The following MLLT3 variants were observed in gnomAD, a reference collection of about 807,000 sequenced individuals.
The protein encoded by MLLT3 is MLLT3 super elongation complex subunit.
Under a neutral mutation model 53.2 loss-of-function variants are expected in MLLT3, and 4 were observed. The ratio of observed to expected loss-of-function variants is 0.08; its 90% confidence interval spans 0.04 to 0.17. The LOEUF (loss-of-function observed/expected upper bound fraction) is 0.17, where lower values mean the gene tolerates loss of function less well. Ranked by LOEUF, MLLT3 falls within the 10% of genes least tolerant of loss-of-function variation. The probability of loss-of-function intolerance (pLI) is 1.00; values close to 1 mark genes in which losing one functional copy is unlikely to be tolerated. For synonymous variants in MLLT3, 283 were observed against 230.6 expected (o/e 1.23, Z -2.06); for missense variants, 569 against 684.0 (o/e 0.83, Z 1.87).
At chr9:20,412,978 TA>T (rs1822767037) in intron 5 of MLLT3, among the ~76,000 whole-genome samples, 1 of 152,142 alleles carries the variant, frequency 6.6e-6, no homozygotes, top group East Asian at 1.9e-4. Flanking sequence ...AAACACCTTT[TA>T]GGGGAATTAG....
At chr9:20,619,115 T>C (rs186599268) in intron 2 of MLLT3, among the ~76,000 whole-genome samples, 61 of 152,322 alleles carry the variant, frequency 4.0e-4, no homozygotes, top group South Asian at 2.3e-3. Flanking sequence ...TCATCAGCGA[T>C]AGAAATTTGA....
At chr9:20,571,255 T>C (rs1403536576) in intron 2 of MLLT3, among the ~76,000 whole-genome samples, 3 of 152,186 alleles carry the variant, frequency 2.0e-5, no homozygotes, top group Non-Finnish European at 2.9e-5. Flanking sequence ...AACTACACAA[T>C]GGGATTGCCT....
intron 2 of MLLT3, among the ~76,000 whole-genome samples, chr9:20,500,702 T>TA (rs1825201214): frequency 6.6e-6 from 1 of 152,220 alleles, no homozygotes; most frequent in Admixed American, 6.5e-5. Context: ...TTTCTCCCAA[T>TA]ACTGTTTTCC....
At chr9:20,468,306 T>G (rs1038698103) in intron 2 of MLLT3, among the ~76,000 whole-genome samples, 1 of 152,176 alleles carries the variant, frequency 6.6e-6, no homozygotes, top group Non-Finnish European at 1.5e-5. Flanking sequence ...TAAATATTCC[T>G]AAATTTGTTT....
Position 20,620,961 on chromosome 9 carries a change from G to A in MLLT3, c.13-127C>T. 1 of 1,111,446 alleles carries A rather than the reference G, an allele frequency of 9.0e-7. No individual in the cohort carries two copies. The highest frequency in any genetic ancestry group is 2.5e-5 in the East Asian group (1 of 39,478). The allele number at this position is 1,111,446 out of a possible 1,614,324, so 68.8% of individuals were successfully genotyped here. The stretch of plus-strand genomic sequence containing the variant: ...ATAAAAGGAAACGGCGGTGCCCTCT[G>A]CATCCACGTTTCACGCGCGTGGGCG... On this transcript the variant is annotated intron_variant, in intron 1 of 10. Coordinates refer to ENST00000380338, the MANE Select transcript of MLLT3 (RefSeq NM_004529.4). This position sits in a 1 kb window ranked among gnomAD's most constrained non-coding sequence, Gnocchi z 6.1.
intron 4 of MLLT3, among the ~76,000 whole-genome samples, chr9:20,438,377 G>A (rs557184404): frequency 6.6e-6 from 1 of 152,248 alleles, no homozygotes; most frequent in African/African-American, 2.4e-5. Context: ...ATGCTCCTTG[G>A]GCTGGGGTGT....
chr9:20,499,051 G>A (rs1262479402), intron 2 of MLLT3, among the ~76,000 whole-genome samples: 1 of 152,118 alleles, frequency 6.6e-6, no homozygotes, highest in East Asian at 1.9e-4. Context: ...GACTCTCCTA[G>A]CTTCTGGAGG....
intron 4 of MLLT3, among the ~76,000 whole-genome samples, chr9:20,424,330 T>A (rs1358307683): frequency 1.3e-5 from 2 of 152,196 alleles, no homozygotes; most frequent in East Asian, 3.8e-4. Context: ...CTTGTGATAC[T>A]GAGAAAAATC....
intron 2 of MLLT3, among the ~76,000 whole-genome samples, chr9:20,495,653 C>A (rs1825064700): frequency 6.6e-6 from 1 of 152,130 alleles, no homozygotes; most frequent in African/African-American, 2.4e-5. Context: ...ATAGGTATAT[C>A]TGTTCACCAT....
rs189171030 is a variant in MLLT3, at chr9:20,499,555, T to C, written c.194-42769A>G. On this transcript the variant is annotated intron_variant, in intron 2 of 10. Transcript: ENST00000380338. Reference sequence around the variant, plus strand: ...GCTCTGACCTCCTTGAAACAGTCCATTTTTGCTGCAATAACTGTTCTCATA... The same window carrying C: ...GCTCTGACCTCCTTGAAACAGTCCACTTTTGCTGCAATAACTGTTCTCATA... Among the ~76,000 whole-genome samples the C allele has an allele frequency of 5.9e-3, 902 of 152,306 alleles. 10 individuals carry two copies. Among genetic ancestry groups the C allele is most frequent in the Middle Eastern group, 0.034 (10 of 294 alleles).
At chr9:20,445,207 A>T (rs955871134) in intron 4 of MLLT3, among the ~76,000 whole-genome samples, 3 of 152,160 alleles carry the variant, frequency 2.0e-5, no homozygotes, top group Admixed American at 2.0e-4. Context: ...TATAAAGTAA[A>T]TCACTCTGTA....
At chr9:20,589,086 T>C (rs1270565481) in intron 2 of MLLT3, among the ~76,000 whole-genome samples, 9 of 150,508 alleles carry the variant, frequency 6.0e-5, no homozygotes. Flanking sequence ...CATTACTGGG[T>C]ATATACCCAA....
intron 2 of MLLT3, among the ~76,000 whole-genome samples, chr9:20,466,634 C>T (rs1352284074): frequency 1.3e-5 from 2 of 152,202 alleles, no homozygotes; most frequent in African/African-American, 4.8e-5. Context: ...AGCTTTTATT[C>T]AACTCTGCAG....
At chr9:20,566,477 T>C (rs1819381022) in intron 2 of MLLT3, among the ~76,000 whole-genome samples, 1 of 152,080 alleles carries the variant, frequency 6.6e-6, no homozygotes, top group African/African-American at 2.4e-5. Flanking sequence ...CTCCCTCCAA[T>C]CCCTGCTAAC....
intron 2 of MLLT3, among the ~76,000 whole-genome samples, chr9:20,480,046 G>T (rs1459990494): frequency 6.6e-6 from 1 of 152,124 alleles, no homozygotes; most frequent in Non-Finnish European, 1.5e-5. Flanking sequence ...CCTATAACAA[G>T]GTACAGTCCT....
chr9:20,597,620 A>G (rs542748369), intron 2 of MLLT3, among the ~76,000 whole-genome samples: 2 of 152,328 alleles, frequency 1.3e-5, no homozygotes, highest in East Asian at 3.9e-4. Context: ...TCTGAACACC[A>G]GTATTACTGC....
intron 5 of MLLT3, among the ~76,000 whole-genome samples, chr9:20,366,249 C>T (rs1417405387): frequency 6.6e-6 from 1 of 152,148 alleles, no homozygotes; most frequent in Non-Finnish European, 1.5e-5. Flanking sequence ...CTCCCTGTGT[C>T]TATGTGTTCT....
chr9:20,498,861 A>T (rs1196797640), intron 2 of MLLT3, among the ~76,000 whole-genome samples: 1 of 152,194 alleles, frequency 6.6e-6, no homozygotes, highest in Non-Finnish European at 1.5e-5. Context: ...ATATAACTTT[A>T]AGCACTAAAG....
intron 2 of MLLT3, among the ~76,000 whole-genome samples, chr9:20,553,647 C>T (rs1587062757): frequency 6.6e-6 from 1 of 152,150 alleles, no homozygotes; most frequent in Non-Finnish European, 1.5e-5. Context: ...AAATTCATCT[C>T]TAAATATTAT....
Sources: gnomAD v4.1 joint callset for allele counts (sites outside exome capture counted in the v4.1 genomes callset) on GRCh38, gnomAD v4.1.1 for gene constraint, Gnocchi (gnomAD v3.1) non-coding constraint, MANE v1.5 for transcripts, NCBI Gene and HGNC (gene_info 2026-07-23, HGNC 2026-07-21) for gene names.